COQ5: variants seen among roughly 807,000 people sequenced by gnomAD.
The protein encoded by COQ5 is 2-methoxy-6-polyprenyl-1,4-benzoquinol methylase, mitochondrial.
In COQ5, 27 loss-of-function variants were observed where a neutral mutation model predicts 40.5. The observed-to-expected ratio is 0.67, with a 90% CI of 0.49 to 0.92. The LOEUF (loss-of-function observed/expected upper bound fraction) is 0.92. COQ5 is among the 40% of genes least tolerant of loss of function. The pLI is 0.00. For synonymous variants in COQ5, 141 were observed against 150.0 expected, an observed-to-expected ratio of 0.94 and a Z score of 0.44; for missense variants, 409 against 406.4, an observed-to-expected ratio of 1.01 and a Z score of -0.06.
chr12:120,513,226 A>G (rs1869218156), intron 3 of COQ5, among the ~76,000 whole-genome samples: 1 of 148,282 alleles, frequency 6.7e-6, no homozygotes, highest in Admixed American at 6.7e-5. Flanking sequence ...GTTAAGGGCC[A>G]GGTGCAGTGG....
chr12:120,509,053 C>A (rs904482581), intron 4 of COQ5, among the ~76,000 whole-genome samples: 6 of 148,768 alleles, frequency 4.0e-5, no homozygotes, highest in African/African-American at 1.5e-4. Context: ...TTTCATTCAA[C>A]AAAATAATAA....
At chr12:120,506,776 CTG>C (rs1353806183) in intron 4 of COQ5, among the ~76,000 whole-genome samples, 5 of 152,256 alleles carry the variant, frequency 3.3e-5, no homozygotes, top group African/African-American at 1.2e-4. Flanking sequence ...TTCAGTCTTT[CTG>C]TGTCTATAAA....
At chr12:120,519,988 T>C (rs553445106) in intron 2 of COQ5, among the ~76,000 whole-genome samples, 7 of 152,182 alleles carry the variant, frequency 4.6e-5, no homozygotes, top group African/African-American at 1.7e-4. Flanking sequence ...GAGCTTCCAT[T>C]TGGGGAGAGG....
At chr12:120,524,070 T>C (rs1395350554) in intron 1 of COQ5, 1 of 261,632 alleles carries the variant, frequency 3.8e-6, no homozygotes, top group Non-Finnish European at 7.9e-6. Context: ...TGTCTGCCTG[T>C]ATCACTGAGA....
chr12:120,522,307 T>A lies in COQ5; in HGVS notation c.259A>T (p.Ser87Cys). Residue 87 changes from serine to cysteine, a missense_variant, in exon 2 of 7, where the codon AGT becomes TGT. Physicochemically the swap from Ser to Cys is moderately radical, Grantham distance 112. Transcript: ENST00000288532. ...TTCCAAACACGATGGATACCAAGAC[T>A]CATCATATCATTCATCACATCATAC... The part of the protein sequence containing the change: ...KKYDVMNDMM[S>C]LGIHRVWKDL... 1 of 1,613,650 alleles carries A rather than the reference T, an allele frequency of 6.2e-7. No individual in the cohort carries two copies. The highest frequency in any genetic ancestry group is 8.5e-7 in the Non-Finnish European group (1 of 1,179,602).
intron 1 of COQ5, among the ~76,000 whole-genome samples, 190 bp downstream of exon 1, chr12:120,528,750 G>A (rs1243218782): frequency 1.3e-5 from 2 of 151,242 alleles, no homozygotes; most frequent in African/African-American, 2.4e-5. Context: ...GTTGCAGTGA[G>A]CCAAGATCGG....
Position 120,516,640 on chromosome 12 carries a change from G to C in COQ5, c.501C>G (p.Val167=), listed in dbSNP as rs201120226. 2.5e-6 allele frequency: 4 copies of C among 1,614,038 alleles called. No individual in the cohort carries two copies. Among genetic ancestry groups the C allele is most frequent in the Admixed American group, 1.7e-5 (1 of 60,002 alleles). Residue 167 remains valine, a synonymous_variant, in exon 3 of 7, where the codon GTC becomes GTG. Coordinates refer to ENST00000288532, the MANE Select transcript of COQ5 (RefSeq NM_032314.4). The stretch of plus-strand genomic sequence containing the variant: ...TCTCCTTGTTGATGTCACACACCAC[G>C]ACACGAGACCCGCCCAAGGAATCTT... The part of the protein sequence containing the change: ...NEEDSLGGSR[V]VVCDINKEML...
At chr12:120,522,547 TCCTGCCTCAGA>T in intron 1 of COQ5, 184 bp from the exon 2 acceptor site, 1 of 657,906 alleles carries the variant, frequency 1.5e-6, no homozygotes, top group Non-Finnish European at 2.7e-6. Flanking sequence ...TATTTTTTTT[TCCTGCCTCAGA>T]TTTATTTGTA....
Position 120,528,991 on chromosome 12 carries a change from C to G in COQ5, c.151G>C (p.Glu51Gln), listed in dbSNP as rs1246418745. Residue 51 changes from glutamate (E) to glutamine (Q), a missense_variant, in exon 1 of 7, where the codon GAA becomes CAA. Transcript: ENST00000288532. ...RLLSQEKRAA[E>Q]THFGFETVSE... ...ACAGTCTCAAACCCAAAGTGCGTTT[C>G]CGCTGCCCGCTTCTCTTGGGACAAG... is the stretch of plus-strand genomic sequence containing the variant. 1.2e-6 allele frequency: 2 copies of G among 1,614,052 alleles called. No homozygotes were observed. The highest frequency in any genetic ancestry group is 4.5e-5 in the East Asian group (2 of 44,896).
chr12:120,505,714 A>T (rs1391955516), intron 4 of COQ5, among the ~76,000 whole-genome samples: 1 of 151,706 alleles, frequency 6.6e-6, no homozygotes, highest in Non-Finnish European at 1.5e-5. Context: ...GTACCACCAC[A>T]CCCGGCTAAT....
chr12:120,511,941 G>A (rs1869153393), intron 3 of COQ5, among the ~76,000 whole-genome samples: 1 of 152,218 alleles, frequency 6.6e-6, no homozygotes, highest in Non-Finnish European at 1.5e-5. Context: ...GCCGGGTGTG[G>A]TGGCTCACGC....
At position 120,524,329 on chromosome 12, in the gene COQ5, C is replaced by T. The variant is rs188075155; in HGVS notation, c.203-1966G>A. 6.3e-3 allele frequency among the ~76,000 whole-genome samples: 953 copies of T among 151,388 alleles called. 9 individuals are homozygous for T. Among genetic ancestry groups the T allele is most frequent in the Admixed American group, 0.018 (267 of 15,224 alleles). ...AGGCTGCAGTGCAGTGGCGCGATCT[C>T]GGCTCACTGCAAGCTCTGCCTCCCG... is the stretch of plus-strand genomic sequence containing the variant. On this transcript the variant is annotated intron_variant, in intron 1 of 6. Transcript: ENST00000288532.
intron 2 of COQ5, among the ~76,000 whole-genome samples, chr12:120,521,772 A>G (rs1167695): frequency 0.79 from 119,918 of 151,930 alleles, 47,719 homozygotes; most frequent in Admixed American, 0.85. Flanking sequence ...CGAGGCAGGC[A>G]GACTGCCTGA....
At position 120,503,802 on chromosome 12, in the gene COQ5, A is replaced by G. The variant is rs777056895; in HGVS notation, c.966T>C (p.His322=). 1 of 1,613,818 alleles carries G rather than the reference A, an allele frequency of 6.2e-7. No homozygotes were observed. Among genetic ancestry groups the G allele is most frequent in the South Asian group, 1.1e-5 (1 of 91,078 alleles). ...ESLTSGIVAI[H]SGFKL ...AAAGGAATTAAAGTTTGAAGCCAGA[A>G]TGAATGGCCACAATGCCTGATGTTA... Residue 322 remains histidine (H), a synonymous_variant, in exon 7 of 7, where the codon CAT becomes CAC. Coordinates refer to ENST00000288532, the MANE Select transcript of COQ5 (RefSeq NM_032314.4).
intron 3 of COQ5, among the ~76,000 whole-genome samples, chr12:120,510,984 C>T (rs1869105179): frequency 6.6e-6 from 1 of 152,042 alleles, no homozygotes; most frequent in African/African-American, 2.4e-5. Flanking sequence ...AAAATAAGTA[C>T]ACCTGGCCAG....
At chr12:120,510,182 T>A in intron 3 of COQ5, 59 bp from the exon 4 acceptor site, 3 of 1,322,708 alleles carry the variant, frequency 2.3e-6, no homozygotes, top group Non-Finnish European at 3.3e-6. Context: ...CTGCCCCCAG[T>A]GAATTCATTT....
At position 120,516,689 on chromosome 12, in the gene COQ5, A is replaced by G. The variant is rs1287166773; in HGVS notation, c.452T>C (p.Ile151Thr). The change falls in exon 3 of 7, where the codon ATT becomes ACT. Residue 151 changes from isoleucine (I) to threonine (T), a missense_variant. Physicochemically the swap from Ile to Thr is moderately conservative, Grantham distance 89. Coordinates refer to ENST00000288532, the MANE Select transcript of COQ5 (RefSeq NM_032314.4). ...TTCTTCATTCTGGTACTCTTTGGCA[A>G]TTTCTTCCCAGGATAAATTTTGTTG... ...RAQQNLSWEE[I>T]AKEYQNEEDS... 6.2e-7 allele frequency: 1 copy of G among 1,614,088 alleles called. No individual in the cohort carries two copies. The highest frequency in any genetic ancestry group is 8.5e-7 in the Non-Finnish European group (1 of 1,179,994).
intron 2 of COQ5, among the ~76,000 whole-genome samples, chr12:120,517,827 A>G (rs1378975024): frequency 7.1e-6 from 1 of 141,456 alleles, no homozygotes; most frequent in Non-Finnish European, 1.5e-5. Flanking sequence ...TTTTTTTGAG[A>G]TGGAGTTTCT....
intron 5 of COQ5, 55 bp downstream of exon 5, chr12:120,504,840 G>T: frequency 1.4e-6 from 2 of 1,430,640 alleles, no homozygotes; most frequent in East Asian, 2.3e-5. Context: ...AATCCATTTC[G>T]GGGTGGGAAA....
Sources: gnomAD v4.1 joint callset for allele counts (sites outside exome capture counted in the v4.1 genomes callset) on GRCh38, gnomAD v4.1.1 for gene constraint, MANE v1.5 for transcripts, NCBI Gene and HGNC (gene_info 2026-07-23, HGNC 2026-07-21) for gene names.